Variants in PCDHA3 observed in about 807,000 individuals in gnomAD.
The protein encoded by PCDHA3 is protocadherin alpha 3, also known as protocadherin alpha-3.
In PCDHA3, 41 loss-of-function variants were observed where a neutral mutation model predicts 62.2. The ratio of observed to expected loss-of-function variants is 0.66; its 90% CI spans 0.51 to 0.86. The LOEUF (loss-of-function observed/expected upper bound fraction) is 0.86, where lower values mean the gene tolerates loss of function less well. Among genes scored for constraint, PCDHA3 ranks in the 40% least tolerant of loss-of-function variants. The pLI is 0.00. For missense variants in PCDHA3, 1,304 were observed against 1,241.2 expected (o/e 1.05, Z -0.76); for synonymous variants, 640 against 555.4 (o/e 1.15, Z -2.14).
chr5:140,897,997 G>C (rs1174176296), intron 1 of PCDHA3, among the ~76,000 whole-genome samples: 1 of 152,168 alleles, frequency 6.6e-6, no homozygotes, highest in Non-Finnish European at 1.5e-5. Context: ...CTTTTGAGAA[G>C]TGTCTGTTCA....
At chr5:140,965,657 T>TA (rs2095920205) in intron 1 of PCDHA3, among the ~76,000 whole-genome samples, 2 of 152,196 alleles carry the variant, frequency 1.3e-5, no homozygotes, top group Non-Finnish European at 2.9e-5. Context: ...AGAAAATGTC[T>TA]TGGGTGATAA....
chr5:140,999,786 G>A (rs1050666056), intron 3 of PCDHA3, among the ~76,000 whole-genome samples: 4 of 152,120 alleles, frequency 2.6e-5, no homozygotes, highest in African/African-American at 9.7e-5. Flanking sequence ...CCTAGAAATG[G>A]CAGAGTTATT....
rs782716439 is a variant in PCDHA3, at chr5:140,858,074, A to C, written c.2394+54483A>C. The stretch of plus-strand genomic sequence containing the variant: ...GCTTGTGGAGGGCAGCCAGGCACCC[A>C]AGGCCTCGTCGCGGGCTTCAGTGGG... On this transcript the variant is annotated intron_variant, in intron 1 of 3. Coordinates refer to ENST00000522353, the MANE Select transcript of PCDHA3 (RefSeq NM_018906.3). 3 of 1,597,526 alleles carry C rather than the reference A, an allele frequency of 1.9e-6. No homozygotes were observed. The African/African-American group carries it at 4.0e-5, about 21-fold the overall frequency.
intron 1 of PCDHA3, among the ~76,000 whole-genome samples, chr5:140,833,258 A>G (rs2150207264): frequency 1.3e-5 from 2 of 152,334 alleles, no homozygotes; most frequent in South Asian, 4.1e-4. Flanking sequence ...CCAGGAGAGC[A>G]GCAATTATAA....
Position 140,802,792 on chromosome 5 carries a change from A to T in PCDHA3, c.1595A>T (p.Gln532Leu), listed in dbSNP as rs375690529. 67 of 1,613,318 alleles carry T rather than the reference A, an allele frequency of 4.2e-5. No homozygotes were observed. Among genetic ancestry groups the T allele is most frequent in the Non-Finnish European group, 5.4e-5 (64 of 1,179,918 alleles). The change falls in exon 1 of 4, where the codon CAG becomes CTG. Residue 532 changes from glutamine to leucine, a missense_variant. Transcript: ENST00000522353. ...GACCACGAGGAGCTAGAGCTGCTGC[A>T]GTTCCAGGTGAGTGCGCGCGATGCG... Reference protein sequence around the residue: ...PLDHEELELLQFQVSARDAGV... With the variant: ...PLDHEELELLLFQVSARDAGV...
intron 1 of PCDHA3, chr5:140,852,303 A>G: frequency 4.8e-6 from 2 of 418,848 alleles, no homozygotes; most frequent in Non-Finnish European, 6.7e-6. Flanking sequence ...TCTGAGACGG[A>G]GTCGTTTTCT....
chr5:140,858,616 T>G (rs1562539811), intron 1 of PCDHA3: 1 of 1,182,404 alleles, frequency 8.5e-7, no homozygotes, highest in Non-Finnish European at 1.2e-6. Context: ...TTTTTTATCC[T>G]ACCCAGTGTG....
Position 140,849,019 on chromosome 5 carries a change from A to G in PCDHA3, c.2394+45428A>G, listed in dbSNP as rs144148683. On this transcript the variant is annotated intron_variant, in intron 1 of 3. Coordinates refer to ENST00000522353, the MANE Select transcript of PCDHA3 (RefSeq NM_018906.3). ...CTGCTCACTTACAGACTGAGCCCCA[A>G]TGAGTATTTCTTCCTGGACGTGCCA... 14,073 of 1,587,530 alleles carry G rather than the reference A, an allele frequency of 8.9e-3. 240 individuals carry two copies. Among genetic ancestry groups the G allele is most frequent in the Non-Finnish European group, 0.011 (13,037 of 1,163,614 alleles).
chr5:140,928,770 C>A, intron 1 of PCDHA3: 4 of 1,614,106 alleles, frequency 2.5e-6, no homozygotes, highest in Non-Finnish European at 2.5e-6. Context: ...TAGTTCTTCC[C>A]ACTGATGCAG....
At chr5:140,836,321 C>G (rs2150257689) in intron 1 of PCDHA3, 3 of 1,613,768 alleles carry the variant, frequency 1.9e-6, no homozygotes, top group Non-Finnish European at 2.5e-6. Context: ...CGCGCCACCG[C>G]CTTCTGGTGC....
intron 1 of PCDHA3, chr5:140,882,402 T>A (rs782437506): frequency 3.7e-6 from 6 of 1,614,052 alleles, no homozygotes; most frequent in South Asian, 1.1e-5. Flanking sequence ...GGCACCTTCG[T>A]GGGCCGCATC....
intron 1 of PCDHA3, chr5:140,849,973 C>A: frequency 6.3e-7 from 1 of 1,597,728 alleles, no homozygotes; most frequent in Non-Finnish European, 8.6e-7. Flanking sequence ...GTGTCCTACT[C>A]GCTGGTGGAG....
At chr5:140,809,308 G>C in intron 1 of PCDHA3, 6 of 1,614,122 alleles carry the variant, frequency 3.7e-6, no homozygotes, top group Non-Finnish European at 4.2e-6. Flanking sequence ...TCTGCGCGGT[G>C]TCCAGCCTTT....
chr5:141,011,228 A>T lies in PCDHA3; in HGVS notation c.*1291A>T, dbSNP rs2098419864. 1 of 153,664 alleles carries T rather than the reference A, an allele frequency of 6.5e-6. No homozygotes were observed. The highest frequency in any genetic ancestry group is 1.5e-5 in the Non-Finnish European group (1 of 68,016). 9.5% of individuals were successfully genotyped at this position (153,664 alleles called of 1,614,324 possible). On this transcript the variant is annotated 3_prime_UTR_variant, in exon 4 of 4. Coordinates refer to ENST00000522353, the MANE Select transcript of PCDHA3 (RefSeq NM_018906.3). The stretch of plus-strand genomic sequence containing the variant: ...CAGTGAGCAGATTTTTCAATCTACT[A>T]ATTCTGTGACTTGTCTTGGTGTGCT...
In PCDHA3 at chr5:140,803,515, G is replaced by C. The variant is rs782173902; in HGVS notation, c.2318G>C (p.Ser773Thr). 1.4e-5 allele frequency: 22 copies of C among 1,614,242 alleles called. No homozygotes were observed. Among genetic ancestry groups the C allele is most frequent in the Non-Finnish European group, 1.9e-5 (22 of 1,180,044 alleles). The change falls in exon 1 of 4, where the codon AGC (serine) becomes ACC (threonine). Residue 773 changes from serine to threonine, a missense_variant. Ser to Thr is a moderately conservative substitution (Grantham distance 58). Transcript: ENST00000522353. ...GLPKTDLMAF[S>T]PSLPPCPISR... is the part of the protein sequence containing the mutation. Reference sequence around the variant, plus strand: ...CCCAAGACCGACCTCATGGCTTTTAGCCCTAGCCTTCCTCCTTGTCCAATT... The same window carrying C: ...CCCAAGACCGACCTCATGGCTTTTACCCCTAGCCTTCCTCCTTGTCCAATT...
chr5:140,966,885 C>A (rs1554228854), intron 1 of PCDHA3: 1 of 1,590,816 alleles, frequency 6.3e-7, no homozygotes, highest in Admixed American at 1.7e-5. Flanking sequence ...CCTGGCCCTG[C>A]GGCCTCCCAG....
Position 140,884,686 on chromosome 5 carries a change from G to C in PCDHA3, c.2394+81095G>C, listed in dbSNP as rs376199469. 72 of 1,538,980 alleles carry C rather than the reference G, an allele frequency of 4.7e-5. No homozygotes were observed. The African/African-American group carries it at 8.7e-4, about 19-fold the overall frequency. ...AGGTAAGCTTATATTTTAAAAAATT[G>C]TCTTAGTAAACACTTTAGCCTTCCT... On this transcript the variant is annotated intron_variant, in intron 1 of 3. Transcript: ENST00000522353.
intron 1 of PCDHA3, among the ~76,000 whole-genome samples, chr5:140,976,501 A>G (rs568983330): frequency 6.6e-6 from 1 of 152,240 alleles, no homozygotes; most frequent in East Asian, 1.9e-4. Context: ...CAGGGAGCCA[A>G]GATCGCGCCA....
intron 1 of PCDHA3, among the ~76,000 whole-genome samples, chr5:140,936,367 A>G (rs1347774517): frequency 2.0e-5 from 3 of 152,348 alleles, no homozygotes; most frequent in East Asian, 1.9e-4. Flanking sequence ...GCTACTGAGC[A>G]CTTGAAATGT....
Sources: gnomAD v4.1 joint callset for allele counts (sites outside exome capture counted in the v4.1 genomes callset) on GRCh38, gnomAD v4.1.1 for gene constraint, MANE v1.5 for transcripts, NCBI Gene and HGNC (gene_info 2026-07-23, HGNC 2026-07-21) for gene names.